The following MCF2L variants were observed in gnomAD, a reference collection of about 807,000 sequenced individuals.
MCF2L encodes guanine nucleotide exchange factor DBS.
A neutral mutation model predicts 153.4 loss-of-function variants in MCF2L; 97 were observed. That is an observed-to-expected ratio of 0.63 (90% CI 0.54 to 0.75). The LOEUF (loss-of-function observed/expected upper bound fraction) is 0.75, where lower values mean the gene tolerates loss of function less well. MCF2L is among the 30% of genes least tolerant of loss of function. The pLI is 0.00. For missense variants in MCF2L, 1,347 were observed against 1,495.2 expected, an observed-to-expected ratio of 0.90 and a Z score of 1.64; for synonymous variants, 659 against 632.2, an observed-to-expected ratio of 1.04 and a Z score of -0.64.
In MCF2L at chr13:113,088,353, G is replaced by A. The variant is rs150538425; in HGVS notation, c.2715G>A (p.Ala905=). The A allele has an allele frequency of 2.7e-5, 44 of 1,613,954 alleles. No individual in the cohort carries two copies. The Admixed American group carries it at 2.8e-4, about 10-fold the overall frequency. The change falls in exon 24 of 30, where the codon GCG becomes GCA. Residue 905 remains alanine (A), a synonymous_variant. Coordinates refer to ENST00000535094, the MANE Select transcript of MCF2L (RefSeq NM_001112732.3). ...CGCCAACTCCTGAGATTAAAGCCGC[G>A]TGGGTGAATGAAATTCGGAAAGTGC... ...VQAPTPEIKA[A]WVNEIRKVLT...
rs1210614948 is a variant in MCF2L at position 113,035,034 on chromosome 13, C to T, written c.279-10237C>T. ...GGCGGGAAAAGGAGGAAGAGCATGG[C>T]CCCCGTGAAGCCCCTCGGGAGGAAG... On this transcript the variant is annotated intron_variant, in intron 3 of 29. Coordinates refer to ENST00000535094, the MANE Select transcript of MCF2L (RefSeq NM_001112732.3). This position sits in a 1 kb window ranked among gnomAD's most constrained non-coding sequence, Gnocchi z 4.4. Among the ~76,000 whole-genome samples the T allele has an allele frequency of 6.6e-6, 1 of 152,206 alleles. No individual in the cohort carries two copies. The highest frequency in any genetic ancestry group is 1.5e-5 in the Non-Finnish European group (1 of 68,034).
At chr13:113,060,805 C>A in intron 5 of MCF2L, 93 bp downstream of exon 5, 1 of 1,539,168 alleles carries the variant, frequency 6.5e-7, no homozygotes, top group Non-Finnish European at 8.8e-7. Context: ...GAGGAGCTGA[C>A]TTCAGGGCCA....
intron 1 of MCF2L, among the ~76,000 whole-genome samples, chr13:112,999,993 G>A (rs1237268406): frequency 1.0e-5 from 1 of 95,436 alleles, no homozygotes; most frequent in Non-Finnish European, 2.6e-5. Flanking sequence ...TGGCGAGTGG[G>A]CCGGGAATGA....
At position 113,070,136 on chromosome 13, in the gene MCF2L, G is replaced by T. The variant is rs149106318; in HGVS notation, c.959G>T (p.Cys320Phe). ...AAGCATCAGCAGAAACTGGAGCAGT[G>T]TCTGCAGCTCCGGCACTTTGAGCAG... The part of the protein sequence containing the change: ...WAKHQQKLEQ[C>F]LQLRHFEQGF... Residue 320 changes from cysteine (C) to phenylalanine (F), a missense_variant, in exon 9 of 30, where the codon TGT (cysteine) becomes TTT (phenylalanine). Around this residue, in one of 3 missense-constraint regions of MCF2L, gnomAD observed 820 missense variants for 921.2 expected, o/e 0.89. Transcript: ENST00000535094. The surrounding 1 kb of genome is among the most constrained non-coding windows in gnomAD (Gnocchi z 5.6). 6.2e-7 allele frequency: 1 copy of T among 1,607,010 alleles called. No individual in the cohort carries two copies. Among genetic ancestry groups the T allele is most frequent in the African/African-American group, 1.3e-5 (1 of 74,278 alleles).
chr13:113,000,050 G>A (rs2083297283), intron 1 of MCF2L, among the ~76,000 whole-genome samples: 1 of 152,180 alleles, frequency 6.6e-6, no homozygotes, highest in Non-Finnish European at 1.5e-5. Context: ...GGTGCAGGTG[G>A]CAGGTGCATC....
chr13:112,974,344 T>C (rs1164644069), intron 1 of MCF2L, among the ~76,000 whole-genome samples: 1 of 152,050 alleles, frequency 6.6e-6, no homozygotes, highest in East Asian at 1.9e-4. Context: ...GTGGCCAACC[T>C]CTGAGTCTGC....
At chr13:112,953,546 C>T (rs769453457) in intron 2 of MCF2L, among the ~76,000 whole-genome samples, 3 of 152,226 alleles carry the variant, frequency 2.0e-5, no homozygotes, top group Admixed American at 6.5e-5. Flanking sequence ...ACGTAATTTA[C>T]CTCTGCAGAG....
intron 2 of MCF2L, among the ~76,000 whole-genome samples, chr13:112,952,184 G>A (rs1361745012): frequency 6.6e-6 from 1 of 152,196 alleles, no homozygotes; most frequent in Non-Finnish European, 1.5e-5. Context: ...GGTTGAATCG[G>A]GTGTGTTTAA....
chr13:112,995,373 T>A (rs567008101), intron 1 of MCF2L, among the ~76,000 whole-genome samples: 1 of 152,358 alleles, frequency 6.6e-6, no homozygotes, highest in East Asian at 1.9e-4. Flanking sequence ...CAGCGCCCAG[T>A]ATACCGTCAG....
At chr13:113,085,739 C>A (rs2034575897) in intron 20 of MCF2L, among the ~76,000 whole-genome samples, 1 of 105,778 alleles carries the variant, frequency 9.5e-6, no homozygotes, top group Non-Finnish European at 2.0e-5. Flanking sequence ...CCCCGGGGAG[C>A]AGGTGCGAGG....
chr13:112,950,905 T>A (rs1338961935), intron 2 of MCF2L, among the ~76,000 whole-genome samples: 4 of 152,308 alleles, frequency 2.6e-5, no homozygotes, highest in Admixed American at 2.6e-4. Context: ...CATTGAAAAC[T>A]TATGCTGTGT....
chr13:112,950,284 G>A (rs2081679460), intron 2 of MCF2L, among the ~76,000 whole-genome samples: 1 of 152,176 alleles, frequency 6.6e-6, no homozygotes, highest in African/African-American at 2.4e-5. Context: ...TTCAAGGATT[G>A]GAAGACACAA....
At chr13:113,009,402 C>A (rs1183373666) in intron 1 of MCF2L, 1 of 152,236 alleles carries the variant, frequency 6.6e-6, no homozygotes, top group Non-Finnish European at 1.5e-5. Context: ...GCAAATGGCT[C>A]GTTAAACATA....
chr13:113,095,078 T>G (rs2035537736), intron 27 of MCF2L: 1 of 1,366,270 alleles, frequency 7.3e-7, no homozygotes, highest in Non-Finnish European at 9.8e-7. Flanking sequence ...TGAGCCTTCC[T>G]AACTATACAT....
intron 29 of MCF2L, 58 bp from the exon 30 acceptor site, chr13:113,096,716 C>T (rs757044953): frequency 3.2e-6 from 5 of 1,552,872 alleles, no homozygotes; most frequent in South Asian, 1.2e-5. Context: ...AGGAAGCTGC[C>T]CCGTGTGTGC....
At chr13:112,925,207 C>T (rs1343389518) in intron 2 of MCF2L, among the ~76,000 whole-genome samples, 3 of 152,210 alleles carry the variant, frequency 2.0e-5, no homozygotes, top group Non-Finnish European at 2.9e-5. Context: ...TACCATTCTT[C>T]GTCCACCAGA....
chr13:112,984,063 C>G (rs2082537949), intron 1 of MCF2L, among the ~76,000 whole-genome samples: 1 of 152,210 alleles, frequency 6.6e-6, no homozygotes, highest in South Asian at 2.1e-4. Context: ...TCCATCTCCC[C>G]TCTGTCCTGC....
chr13:112,962,617 T>C (rs952901680), intron 2 of MCF2L, among the ~76,000 whole-genome samples: 2 of 152,170 alleles, frequency 1.3e-5, no homozygotes, highest in Non-Finnish European at 2.9e-5. Flanking sequence ...CTCCCTCTCC[T>C]TCAGCTTAGG....
At chr13:113,063,209 T>C (rs2031796781) in intron 5 of MCF2L, among the ~76,000 whole-genome samples, 2 of 152,144 alleles carry the variant, frequency 1.3e-5, no homozygotes, top group Non-Finnish European at 2.9e-5. Context: ...AGACACAGAG[T>C]GGGCGGCTGG....
Sources: allele counts gnomAD v4.1 joint callset (sites outside exome capture counted in the v4.1 genomes callset), GRCh38; gene constraint gnomAD v4.1.1; regional missense constraint gnomAD v4.1.1; non-coding constraint Gnocchi (gnomAD v3.1); transcripts MANE v1.5; gene names NCBI Gene and HGNC (gene_info 2026-07-23, HGNC 2026-07-21).